The following SBF2 variants were observed in gnomAD, a reference collection of about 807,000 sequenced individuals.
The protein encoded by SBF2 is SET binding factor 2.
In SBF2, 112 loss-of-function variants were observed where a neutral mutation model predicts 225.2. That is an observed-to-expected ratio of 0.50 (90% CI 0.43 to 0.58). SBF2 has a LOEUF of 0.58. SBF2 is among the 20% of genes least tolerant of loss of function. The pLI is 0.00. For missense variants in SBF2, 1,996 were observed against 2,206.2 expected, an observed-to-expected ratio of 0.90 and a Z score of 1.91; for synonymous variants, 763 against 773.3, an observed-to-expected ratio of 0.99 and a Z score of 0.22.
At chr11:10,021,175 T>C (rs1174221902) in intron 6 of SBF2, among the ~76,000 whole-genome samples, 1 of 152,186 alleles carries the variant, frequency 6.6e-6, no homozygotes, top group Non-Finnish European at 1.5e-5. Context: ...GTTGGATACA[T>C]TTTCTAAAAC....
At chr11:9,796,809 C>T (rs1010647744) in intron 32 of SBF2, among the ~76,000 whole-genome samples, 7 of 152,118 alleles carry the variant, frequency 4.6e-5, no homozygotes, top group African/African-American at 1.7e-4. Flanking sequence ...GCAGTGAGGT[C>T]ATTGGGCACA....
chr11:9,883,055 A>G (rs1054278119), intron 17 of SBF2, among the ~76,000 whole-genome samples: 10 of 151,448 alleles, frequency 6.6e-5, no homozygotes, highest in African/African-American at 2.4e-4. Flanking sequence ...GATTGCTTGA[A>G]CTCAGGAAGC....
chr11:9,782,999 C>T (rs4910504), intron 38 of SBF2: 32,942 of 152,084 alleles, frequency 0.22, 4,401 homozygotes, highest in Non-Finnish European at 0.29. Context: ...CTTCTGATAC[C>T]GTGGCTCTGA....
chr11:9,984,695 C>G (rs1460239949), intron 13 of SBF2, among the ~76,000 whole-genome samples: 2 of 152,110 alleles, frequency 1.3e-5, no homozygotes, highest in Non-Finnish European at 2.9e-5. Context: ...AACAGGTAAC[C>G]TATAAAGAAA....
chr11:9,790,736 CA>C, intron 33 of SBF2, 53 bp from the exon 34 acceptor site: 2 of 1,429,786 alleles, frequency 1.4e-6, no homozygotes, highest in Non-Finnish European at 9.7e-7. Context: ...CACACTTTGC[CA>C]AAAAACGTAT....
intron 16 of SBF2, among the ~76,000 whole-genome samples, chr11:9,931,098 A>G (rs1276699494): frequency 1.3e-5 from 2 of 152,352 alleles, no homozygotes; most frequent in South Asian, 2.1e-4. Flanking sequence ...CAAAGAAACC[A>G]GGAAGCTCGA....
chr11:10,010,828 C>A (rs1948422339), intron 6 of SBF2, among the ~76,000 whole-genome samples: 1 of 152,132 alleles, frequency 6.6e-6, no homozygotes, highest in South Asian at 2.1e-4. Flanking sequence ...TTACTTTGGG[C>A]AGTATGGCCA....
intron 2 of SBF2, chr11:10,044,666 C>G (rs1266263616): frequency 6.5e-6 from 1 of 154,808 alleles, no homozygotes. Flanking sequence ...GTCCTTGGTT[C>G]AAAGGCCCCA....
intron 4 of SBF2, 110 bp from the exon 5 acceptor site, chr11:10,029,985 T>C (rs1051437232): frequency 7.1e-5 from 56 of 792,802 alleles, no homozygotes; most frequent in African/African-American, 5.8e-4. Flanking sequence ...AAGTATATTA[T>C]ACAGTGAACA....
At chr11:9,959,854 G>C (rs1016912689) in intron 16 of SBF2, 1 of 516,808 alleles carries the variant, frequency 1.9e-6, no homozygotes, top group East Asian at 4.8e-5. Context: ...GAGGAGAGGA[G>C]AGAGGAGGGG....
At chr11:9,929,909 T>A (rs1362588699) in intron 16 of SBF2, among the ~76,000 whole-genome samples, 6 of 152,174 alleles carry the variant, frequency 3.9e-5, no homozygotes, top group Non-Finnish European at 8.8e-5. Context: ...TAACGGTTCC[T>A]ATTCTGATTA....
intron 13 of SBF2, among the ~76,000 whole-genome samples, chr11:9,972,260 A>AAC (rs1041167430): frequency 4.6e-5 from 7 of 151,296 alleles, no homozygotes; most frequent in East Asian, 3.9e-4. Flanking sequence ...AGAACACACA[A>AAC]ACACACACAC....
chr11:9,992,511 C>G lies in SBF2; in HGVS notation c.1200G>C (p.Glu400Asp), dbSNP rs1463328276. The change falls in exon 12 of 40, where the codon GAG (glutamate) becomes GAC (aspartate). Residue 400 changes from glutamate to aspartate, a missense_variant. By Grantham distance (45) the Glu-to-Asp change is conservative. Coordinates refer to ENST00000256190, the MANE Select transcript of SBF2 (RefSeq NM_030962.4). ...TGAGTACTTTAGTGAGGAAATCATTCTCGACCAAACCACGCTGCCCCAAGA... is the reference window on the plus strand; with the variant it reads ...TGAGTACTTTAGTGAGGAAATCATTGTCGACCAAACCACGCTGCCCCAAGA... ...TAFLGQRGLV[E>D]NDFLTKVLSG... The G allele has an allele frequency of 1.9e-6, 3 of 1,612,954 alleles. No individual in the cohort carries two copies. Among genetic ancestry groups the G allele is most frequent in the Non-Finnish European group, 2.5e-6 (3 of 1,179,470 alleles).
chr11:10,199,849 T>C (rs1209548085), intron 1 of SBF2, among the ~76,000 whole-genome samples: 2 of 152,152 alleles, frequency 1.3e-5, no homozygotes, highest in Non-Finnish European at 1.5e-5. Flanking sequence ...CAATGTCAAA[T>C]GGTGTACCTA....
intron 4 of SBF2, among the ~76,000 whole-genome samples, chr11:10,030,333 T>A (rs1232161283): frequency 6.6e-6 from 1 of 152,186 alleles, no homozygotes; most frequent in Non-Finnish European, 1.5e-5. Flanking sequence ...AGATTAACAC[T>A]GAGTTCAGAA....
intron 16 of SBF2, among the ~76,000 whole-genome samples, chr11:9,954,649 C>T (rs577253238): frequency 5.3e-5 from 8 of 151,916 alleles, no homozygotes; most frequent in African/African-American, 1.9e-4. Flanking sequence ...TTTCAAACAA[C>T]TCCTGAGTAA....
chr11:9,946,764 C>T (rs1016897254), intron 16 of SBF2, among the ~76,000 whole-genome samples: 4 of 152,156 alleles, frequency 2.6e-5, no homozygotes, highest in African/African-American at 9.7e-5. Context: ...TTTCTATTAA[C>T]AAACACTTAT....
intron 2 of SBF2, among the ~76,000 whole-genome samples, chr11:10,047,145 A>C (rs1040591566): frequency 3.3e-5 from 5 of 152,150 alleles, no homozygotes; most frequent in African/African-American, 1.2e-4. Context: ...ATGAAGAGAG[A>C]TTCTATGTTC....
chr11:10,172,895 C>A (rs559014797), intron 2 of SBF2, among the ~76,000 whole-genome samples: 1 of 151,910 alleles, frequency 6.6e-6, no homozygotes, highest in Non-Finnish European at 1.5e-5. Context: ...CTTGAACTAC[C>A]GATCTCCACT....
Sources: allele counts gnomAD v4.1 joint callset (sites outside exome capture counted in the v4.1 genomes callset), GRCh38; gene constraint gnomAD v4.1.1; transcripts MANE v1.5; gene names NCBI Gene and HGNC (gene_info 2026-07-23, HGNC 2026-07-21).